DAPK1: variants seen among roughly 807,000 people sequenced by gnomAD.
DAPK1 encodes the protein death-associated protein kinase 1.
DAPK1 carries 56 observed loss-of-function variants against 144.9 expected under a neutral mutation model. That is an observed-to-expected ratio of 0.39 (90% CI 0.31 to 0.48). The LOEUF (loss-of-function observed/expected upper bound fraction) is 0.48, where lower values mean the gene tolerates loss of function less well. DAPK1 is among the 20% of genes least tolerant of loss of function. The probability of loss-of-function intolerance (pLI) is 0.95; values close to 1 mark genes in which losing one functional copy is unlikely to be tolerated. For synonymous variants in DAPK1, 690 were observed against 749.0 expected, an observed-to-expected ratio of 0.92 and a Z score of 1.29; for missense variants, 1,454 against 1,875.4, an observed-to-expected ratio of 0.78 and a Z score of 4.15.
At chr9:87,536,654 C>T (rs1274833256) in intron 2 of DAPK1, among the ~76,000 whole-genome samples, 2 of 151,846 alleles carry the variant, frequency 1.3e-5, no homozygotes, top group Admixed American at 6.6e-5. Context: ...GCTGATTTAC[C>T]CCACCACCCC....
At chr9:87,700,922 G>A (rs1295144862) in intron 24 of DAPK1, among the ~76,000 whole-genome samples, 2 of 152,252 alleles carry the variant, frequency 1.3e-5, no homozygotes, top group East Asian at 1.9e-4. Context: ...ATGAACAAAG[G>A]GAATGAGACT....
At chr9:87,558,800 G>A (rs1351851217) in intron 2 of DAPK1, among the ~76,000 whole-genome samples, 1 of 152,146 alleles carries the variant, frequency 6.6e-6, no homozygotes, top group Admixed American at 6.5e-5. Flanking sequence ...CTACCCATTT[G>A]GGCTCCCACG....
At chr9:87,521,413 T>C (rs1216443827) in intron 2 of DAPK1, among the ~76,000 whole-genome samples, 1 of 152,180 alleles carries the variant, frequency 6.6e-6, no homozygotes. Flanking sequence ...TCAGTGAATA[T>C]TGGTGAGATG....
chr9:87,583,878 T>C (rs969517462), intron 2 of DAPK1, among the ~76,000 whole-genome samples: 5 of 152,094 alleles, frequency 3.3e-5, no homozygotes, highest in Admixed American at 6.5e-5. Context: ...GGGTTGGAGG[T>C]GGAGGTGAGA....
At chr9:87,581,537 T>C (rs1349711525) in intron 2 of DAPK1, among the ~76,000 whole-genome samples, 1 of 152,214 alleles carries the variant, frequency 6.6e-6, no homozygotes, top group Non-Finnish European at 1.5e-5. Flanking sequence ...CTCCACAGCC[T>C]GTGGTTTTGG....
In DAPK1 at chr9:87,528,983, A is replaced by C. The variant is rs78904489; in HGVS notation, c.62+29844A>C. Among the ~76,000 whole-genome samples, 1,408 of 152,166 alleles carry C rather than the reference A, an allele frequency of 9.3e-3. 21 individuals carry two copies. The highest frequency in any genetic ancestry group is 0.032 in the African/African-American group (1,345 of 41,498). ...GGGACATTCAACTGGTAAGGGAAGA[A>C]TGCTTCAAGGGAGCCATGTGTATGA... On this transcript the variant is annotated intron_variant, in intron 2 of 25. Transcript: ENST00000408954.
chr9:87,520,764 C>T (rs1055195853), intron 2 of DAPK1, among the ~76,000 whole-genome samples: 15 of 152,168 alleles, frequency 9.9e-5, no homozygotes, highest in Admixed American at 8.5e-4. Context: ...TGTGTGTATA[C>T]ATACATACCT....
intron 9 of DAPK1, 70 bp from the exon 10 acceptor site, chr9:87,641,899 A>C: frequency 7.7e-7 from 1 of 1,303,538 alleles, no homozygotes; most frequent in East Asian, 2.3e-5. Context: ...GAGATGTTTC[A>C]AAAAATTGTC....
At chr9:87,550,079 G>A (rs1031242162) in intron 2 of DAPK1, among the ~76,000 whole-genome samples, 1 of 152,168 alleles carries the variant, frequency 6.6e-6, no homozygotes, top group Admixed American at 6.5e-5. Flanking sequence ...GTCCTTTGAT[G>A]AGGTTTGACA....
chr9:87,694,299 G>A (rs1244152775), intron 21 of DAPK1, among the ~76,000 whole-genome samples: 2 of 152,168 alleles, frequency 1.3e-5, no homozygotes, highest in Non-Finnish European at 2.9e-5. Flanking sequence ...GGATGGGCGT[G>A]ACCTCAGGCC....
intron 2 of DAPK1, among the ~76,000 whole-genome samples, chr9:87,597,924 C>A (rs1182683418): frequency 6.6e-6 from 1 of 152,214 alleles, no homozygotes; most frequent in Admixed American, 6.5e-5. Context: ...AGGAGGCCAG[C>A]TTGGGCAGGG....
At chr9:87,539,444 T>TTTG (rs1825965224) in intron 2 of DAPK1, among the ~76,000 whole-genome samples, 1 of 150,624 alleles carries the variant, frequency 6.6e-6, no homozygotes, top group Admixed American at 6.6e-5. Flanking sequence ...TTTTTTTTTT[T>TTTG]TTTGAGACAG....
chr9:87,559,796 G>A (rs944359817), intron 2 of DAPK1, among the ~76,000 whole-genome samples: 1 of 152,116 alleles, frequency 6.6e-6, no homozygotes, highest in Non-Finnish European at 1.5e-5. Flanking sequence ...AAGGACTCTG[G>A]TGTGGACCTT....
chr9:87,706,385 C>A lies in DAPK1; in HGVS notation c.3314C>A (p.Ala1105Asp). ...AGCGGGACCATGGTGGACGTCCCAG[C>A]CCTGATCAAGACAGACAACCTGCAC... The part of the protein sequence containing the change: ...LSSGTMVDVP[A>D]LIKTDNLHRS... The change falls in exon 26 of 26, where the codon GCC becomes GAC. Residue 1105 changes from alanine (A) to aspartate (D), a missense_variant. Physicochemically the swap from Ala to Asp is moderately radical, Grantham distance 126. Coordinates refer to ENST00000408954, the MANE Select transcript of DAPK1 (RefSeq NM_004938.4). This position sits in a 1 kb window ranked among gnomAD's most constrained non-coding sequence, Gnocchi z 9.0. The A allele has an allele frequency of 6.2e-7, 1 of 1,611,414 alleles. No individual in the cohort carries two copies. The highest frequency in any genetic ancestry group is 8.5e-7 in the Non-Finnish European group (1 of 1,178,806).
At chr9:87,622,237 A>G (rs1829322148) in intron 3 of DAPK1, among the ~76,000 whole-genome samples, 1 of 152,062 alleles carries the variant, frequency 6.6e-6, no homozygotes, top group Admixed American at 6.5e-5. Context: ...AAATGCAAGC[A>G]GAGAATCAGA....
chr9:87,650,002 G>A lies in DAPK1; in HGVS notation c.1510G>A (p.Val504Met), dbSNP rs372895478. 189 of 1,614,046 alleles carry A rather than the reference G, an allele frequency of 1.2e-4. 2 individuals carry two copies. Among genetic ancestry groups the A allele is most frequent in the East Asian group, 1.6e-4 (7 of 44,866 alleles). ...AKALCEAGCN[V>M]NIKNREGETP... ...AGCCCTTTGTGAAGCCGGCTGTAAC[G>A]TGAACATCAAGAACCGAGAAGGAGA... The change falls in exon 16 of 26, where the codon GTG (valine) becomes ATG (methionine). Residue 504 changes from valine to methionine, a missense_variant. Val to Met is a conservative substitution (Grantham distance 21, BLOSUM62 1). Around this residue, in one of 2 missense-constraint regions of DAPK1, gnomAD observed 429 missense variants for 637.5 expected, o/e 0.67. Transcript: ENST00000408954.
chr9:87,507,628 T>A (rs1587667667), intron 2 of DAPK1, among the ~76,000 whole-genome samples: 1 of 151,946 alleles, frequency 6.6e-6, no homozygotes, highest in East Asian at 1.9e-4. Flanking sequence ...GGGAAGGAGG[T>A]TGGGAGAATG....
chr9:87,619,276 T>C (rs946448556), intron 3 of DAPK1, among the ~76,000 whole-genome samples: 2 of 152,184 alleles, frequency 1.3e-5, no homozygotes, highest in East Asian at 3.9e-4. Context: ...ATTTTAAACA[T>C]TTATGTGTCT....
At chr9:87,560,628 C>T (rs1826877135) in intron 2 of DAPK1, among the ~76,000 whole-genome samples, 1 of 149,986 alleles carries the variant, frequency 6.7e-6, no homozygotes, top group Non-Finnish European at 1.5e-5. Context: ...GCATGATGTC[C>T]TTGAGGTTCA....
Sources: gnomAD v4.1 joint callset for allele counts (sites outside exome capture counted in the v4.1 genomes callset) on GRCh38, gnomAD v4.1.1 for gene constraint, gnomAD v4.1.1 regional missense constraint, Gnocchi (gnomAD v3.1) non-coding constraint, MANE v1.5 for transcripts, NCBI Gene and HGNC (gene_info 2026-07-23, HGNC 2026-07-21) for gene names.